RECQL: variants seen among roughly 807,000 people sequenced by gnomAD.
RECQL encodes ATP-dependent DNA helicase Q1.
RECQL carries 73 observed loss-of-function variants against 75.8 expected under a neutral mutation model. The ratio of observed to expected loss-of-function variants is 0.96; its 90% confidence interval spans 0.80 to 1.17. The LOEUF is 1.17. Among genes scored for constraint, RECQL ranks in the 50% most tolerant of loss-of-function variants. The pLI, the probability that RECQL is intolerant of heterozygous loss-of-function variation, is 0.00. For missense variants in RECQL, 699 were observed against 772.1 expected (o/e 0.91, Z 1.12); for synonymous variants, 248 against 254.4 (o/e 0.97, Z 0.24).
intron 3 of RECQL, 68 bp from the exon 4 acceptor site, chr12:21,490,446 C>T (rs765858209): frequency 2.0e-6 from 2 of 1,024,168 alleles, no homozygotes; most frequent in Non-Finnish European, 2.9e-6. Context: ...AAGAATGAGA[C>T]AAACATATAT....
intron 2 of RECQL, among the ~76,000 whole-genome samples, chr12:21,492,341 A>G (rs1173948820): frequency 2.0e-5 from 3 of 152,192 alleles, no homozygotes; most frequent in Non-Finnish European, 2.9e-5. Context: ...ATTCTAATCA[A>G]TCTAAGTATT....
intron 5 of RECQL, among the ~76,000 whole-genome samples, chr12:21,484,199 C>G (rs1365438502): frequency 6.6e-6 from 1 of 151,700 alleles, no homozygotes; most frequent in African/African-American, 2.4e-5. Flanking sequence ...TTTTTTCCTT[C>G]TAATCTAAAG....
At position 21,501,563 on chromosome 12, in the gene RECQL, C is replaced by G. The variant is rs1183046483; in HGVS notation, c.-439G>C. The G allele has an allele frequency of 3.7e-6, 1 of 269,742 alleles. No homozygotes were observed. Among genetic ancestry groups the G allele is most frequent in the Non-Finnish European group, 7.2e-6 (1 of 138,256 alleles). The allele number at this position is 269,742 out of a possible 1,614,324, so 16.7% of individuals were successfully genotyped here. A position where few individuals can be genotyped will look rare whatever the true frequency, so the allele number is the denominator to read the frequency against. On this transcript the variant is annotated 5_prime_UTR_variant, in exon 1 of 15. Transcript: ENST00000444129. ...GACTCTCGGATCTCCGACACCAAAG[C>G]ACCCAGGCCTCGAGCAGATCTTTCC...
chr12:21,497,440 T>C (rs963512841), intron 2 of RECQL, among the ~76,000 whole-genome samples: 29 of 152,184 alleles, frequency 1.9e-4, no homozygotes, highest in Admixed American at 8.5e-4. Flanking sequence ...ACATTGGAGA[T>C]GGAAAATTCT....
intron 5 of RECQL, among the ~76,000 whole-genome samples, chr12:21,485,809 G>A (rs1943284381): frequency 6.6e-6 from 1 of 152,012 alleles, no homozygotes; most frequent in South Asian, 2.1e-4. Flanking sequence ...GGGGGAAATG[G>A]CTACATGGCA....
At chr12:21,486,196 A>C (rs892518375) in intron 5 of RECQL, among the ~76,000 whole-genome samples, 1 of 152,192 alleles carries the variant, frequency 6.6e-6, no homozygotes, top group Non-Finnish European at 1.5e-5. Context: ...TGTTTCAATA[A>C]AACTTTATTT....
chr12:21,490,328 G>T lies in RECQL; in HGVS notation c.265C>A (p.Leu89Met). Reference protein sequence around the residue: ...VKDILQNVFKLEKFRPLQLET... With the variant: ...VKDILQNVFKMEKFRPLQLET... ...AGCTGAAGTGGTCTGAACTTTTCCA[G>T]TTTAAAGACATTTTGCAGAATATCT... Residue 89 changes from leucine to methionine, a missense_variant, in exon 4 of 15, where the codon CTG becomes ATG. Transcript: ENST00000444129. The T allele has an allele frequency of 6.2e-7, 1 of 1,612,706 alleles. No homozygotes were observed.
intron 2 of RECQL, among the ~76,000 whole-genome samples, chr12:21,495,532 T>G (rs1369589461): frequency 1.3e-5 from 2 of 151,910 alleles, no homozygotes; most frequent in South Asian, 2.1e-4. Context: ...GGAGCGGAGC[T>G]TGGAGTGAGC....
chr12:21,474,738 C>T, intron 11 of RECQL, 103 bp downstream of exon 11: 1 of 1,119,046 alleles, frequency 8.9e-7, no homozygotes, highest in Non-Finnish European at 1.3e-6. Flanking sequence ...TGGATCTGCA[C>T]TTTGGTGTTC....
In RECQL at chr12:21,477,853, T is replaced by A; in HGVS notation, c.817A>T (p.Lys273Ter). 1.2e-6 allele frequency: 2 copies of A among 1,613,892 alleles called. No individual in the cohort carries two copies. Among genetic ancestry groups the A allele is most frequent in the South Asian group, 2.2e-5 (2 of 91,024 alleles). The change falls in exon 7 of 15, where the codon AAG (lysine) becomes TAG (stop). Residue 273 changes from lysine to a stop codon, truncating the protein, a stop_gained. Transcript: ENST00000444129. LOFTEE classifies it high-confidence loss of function. ...TDAQKILCIE[K>*]CFTFTASFNR... is the part of the protein sequence containing the mutation. ...AAAGAAGCTGTAAAAGTAAAACACT[T>A]TTCAATGCACAAAATTTTCTGAGCA... is the stretch of plus-strand genomic sequence containing the variant.
intron 4 of RECQL, among the ~76,000 whole-genome samples, chr12:21,487,704 C>T (rs1054734208): frequency 3.9e-5 from 6 of 152,136 alleles, no homozygotes; most frequent in Non-Finnish European, 8.8e-5. Flanking sequence ...CCACTATGGT[C>T]TGAAAGTTGG....
Position 21,475,166 on chromosome 12 carries a change from T to A in RECQL, c.1217-187A>T, listed in dbSNP as rs141498789. Among the ~76,000 whole-genome samples, 335 of 152,014 alleles carry A rather than the reference T, an allele frequency of 2.2e-3. 1 individual carries two copies. The highest frequency in any genetic ancestry group is 5.2e-3 in the South Asian group (25 of 4,818). On this transcript the variant is annotated intron_variant, in intron 10 of 14. Coordinates refer to ENST00000444129, the MANE Select transcript of RECQL (RefSeq NM_002907.4). ...CTCTAAAGAGACATCAATAATCAGC[T>A]CTACTAAGTTAAAAAATGTGTCTAT...
chr12:21,478,063 T>C (rs2137351831), intron 6 of RECQL, 94 bp from the exon 7 acceptor site: 2 of 1,286,844 alleles, frequency 1.6e-6, no homozygotes, highest in Non-Finnish European at 2.1e-6. Context: ...ATGACTACTA[T>C]GATTTTGTTT....
At chr12:21,489,578 C>T (rs1943369516) in intron 4 of RECQL, among the ~76,000 whole-genome samples, 1 of 152,188 alleles carries the variant, frequency 6.6e-6, no homozygotes, top group Non-Finnish European at 1.5e-5. Flanking sequence ...CTGTGTCTCC[C>T]AGTGCCTAGC....
At chr12:21,494,163 T>C (rs1039605904) in intron 2 of RECQL, among the ~76,000 whole-genome samples, 5 of 151,794 alleles carry the variant, frequency 3.3e-5, no homozygotes, top group African/African-American at 1.2e-4. Context: ...CCAGGCTCCT[T>C]GAAACAACCA....
intron 5 of RECQL, among the ~76,000 whole-genome samples, chr12:21,485,379 A>G (rs1008116926): frequency 6.6e-6 from 1 of 151,784 alleles, no homozygotes; most frequent in Non-Finnish European, 1.5e-5. Context: ...AGAGAAAGAA[A>G]GAACACCACA....
intron 6 of RECQL, among the ~76,000 whole-genome samples, chr12:21,481,472 C>T (rs1943191203): frequency 6.6e-6 from 1 of 152,002 alleles, no homozygotes; most frequent in African/African-American, 2.4e-5. Flanking sequence ...CATAAGGGAT[C>T]AAACCATTTA....
Position 21,470,971 on chromosome 12 carries a change from T to C in RECQL, c.1795A>G (p.Arg599Gly), listed in dbSNP as rs773438480. Residue 599 changes from arginine to glycine, a missense_variant and splice_region_variant, in exon 14 of 15, where the codon AGG becomes GGG. By Grantham distance (125) the Arg-to-Gly change is moderately radical (BLOSUM62 -2). Coordinates refer to ENST00000444129, the MANE Select transcript of RECQL (RefSeq NM_002907.4). Reference sequence around the variant, plus strand: ...ACTGAAAATTAATAGCCATTTACCCTGAAAGAGTTCTGCGTGGACTTTGTC... The same window carrying C: ...ACTGAAAATTAATAGCCATTTACCCCGAAAGAGTTCTGCGTGGACTTTGTC... ...QVTKSTQNSF[R>G]AESSQTCHSE... is the part of the protein sequence containing the mutation. The C allele has an allele frequency of 7.2e-6, 11 of 1,532,062 alleles. No homozygotes were observed. The East Asian group carries it at 2.7e-4, about 38-fold the overall frequency. The allele number at this position is 1,532,062 out of a possible 1,614,324, so 94.9% of individuals were successfully genotyped here. A position where few individuals can be genotyped will look rare whatever the true frequency, so the allele number is the denominator to read the frequency against.
chr12:21,475,015 A>G, intron 10 of RECQL, 36 bp from the exon 11 acceptor site: 2 of 1,592,470 alleles, frequency 1.3e-6, no homozygotes, highest in East Asian at 4.5e-5. Context: ...GCAGAATTAC[A>G]TTTACAAATT....
Sources: allele counts gnomAD v4.1 joint callset (sites outside exome capture counted in the v4.1 genomes callset), GRCh38; gene constraint gnomAD v4.1.1; transcripts MANE v1.5; gene names NCBI Gene and HGNC (gene_info 2026-07-23, HGNC 2026-07-21).